Variants in ZNF721 observed in about 807,000 individuals in gnomAD.
The protein encoded by ZNF721 is zinc finger protein 721.
Under a neutral mutation model 2.4 loss-of-function variants are expected in ZNF721, and 2 were observed. The ratio of observed to expected loss-of-function variants is 0.82; its 90% CI spans 0.34 to 2.58. ZNF721 has a LOEUF of 2.58. Ranked by LOEUF, ZNF721 falls within the 30% of genes most tolerant of loss-of-function variation. ZNF721 has a pLI of 0.11. For missense variants in ZNF721, 1,187 were observed against 1,085.5 expected (o/e 1.09, Z -1.31); for synonymous variants, 398 against 381.8 (o/e 1.04, Z -0.50).
At chr4:451,074 TG>T (rs1714646008) in intron 2 of ZNF721, among the ~76,000 whole-genome samples, 1 of 149,820 alleles carries the variant, frequency 6.7e-6, no homozygotes, top group Admixed American at 6.7e-5. Context: ...AGACAATTCC[TG>T]GAAACACAAA....
At chr4:495,052 T>G (rs1015794824) in intron 1 of ZNF721, among the ~76,000 whole-genome samples, 3 of 151,880 alleles carry the variant, frequency 2.0e-5, no homozygotes, top group Non-Finnish European at 4.4e-5. Flanking sequence ...CCGGCTAATT[T>G]TTCGTATTTT....
chr4:492,540 C>T (rs1385277156), intron 1 of ZNF721, among the ~76,000 whole-genome samples: 2 of 150,926 alleles, frequency 1.3e-5, no homozygotes, highest in African/African-American at 4.9e-5. Context: ...TGTTTTTTTA[C>T]ACCAAGCCCA....
At chr4:449,209 A>C (rs1211471133) in intron 2 of ZNF721, among the ~76,000 whole-genome samples, 1 of 152,144 alleles carries the variant, frequency 6.6e-6, no homozygotes, top group Non-Finnish European at 1.5e-5. Context: ...GTAAAGTTTC[A>C]GCATTTTTGA....
At chr4:477,524 C>G (rs1285954540) in intron 1 of ZNF721, among the ~76,000 whole-genome samples, 7 of 152,088 alleles carry the variant, frequency 4.6e-5, no homozygotes, top group African/African-American at 1.7e-4. Context: ...AGGCATGAGC[C>G]ACCGTGCCCG....
At chr4:452,442 G>C (rs1041189898) in intron 2 of ZNF721, among the ~76,000 whole-genome samples, 1 of 152,166 alleles carries the variant, frequency 6.6e-6, no homozygotes, top group Admixed American at 6.6e-5. Context: ...TTGGATTGTG[G>C]AGACATCATA....
In ZNF721 at chr4:443,367, C is replaced by T. The variant is rs782257186; in HGVS notation, c.1100G>A (p.Gly367Asp). 8 of 1,614,056 alleles carry T rather than the reference C, an allele frequency of 5.0e-6. No homozygotes were observed. In the Admixed American group the frequency reaches 1.3e-4, roughly 27 times the overall value. Residue 367 changes from glycine (G) to aspartate (D), a missense_variant, in exon 3 of 3, where the codon GGC (glycine) becomes GAC (aspartate). Transcript: ENST00000511833. ...GGCTGTGTACCGTCCAAAGGCTTTG[C>T]CACAGTCTTCGCATTTGTAAGGTTT... ...GEKPYKCEDCGKAFGRYTALN... is the reference protein window; with the variant it reads ...GEKPYKCEDCDKAFGRYTALN...
rs1330405872 is a variant in ZNF721 at position 442,996 on chromosome 4, GT to G, written c.1470del (p.Lys490AsnfsTer15). 6.2e-7 allele frequency: 1 copy of G among 1,613,714 alleles called. No homozygotes were observed. The highest frequency in any genetic ancestry group is 8.5e-7 in the Non-Finnish European group (1 of 1,179,780). ...TTCTCGCCAGTATGAATCCTCTTATGTTTAGCAAAGCTTGAGGATGAGGTAA... is the reference window on the plus strand; with the variant it reads ...TTCTCGCCAGTATGAATCCTCTTATGTTAGCAAAGCTTGAGGATGAGGTAA... ...KVITSSSSFA[K>X]HKRIHTGEKP... On this transcript the variant is annotated frameshift_variant, in exon 3 of 3. Coordinates refer to ENST00000511833, the MANE Select transcript of ZNF721 (RefSeq NM_133474.4). LOFTEE classifies it low-confidence loss of function (END_TRUNC).
At chr4:472,143 A>C (rs1427868169) in intron 2 of ZNF721, among the ~76,000 whole-genome samples, 3 of 152,330 alleles carry the variant, frequency 2.0e-5, no homozygotes, top group African/African-American at 2.4e-5. Flanking sequence ...GCTCACTGCA[A>C]CCTCTGCCTC....
Position 469,976 on chromosome 4 carries a change from G to A in ZNF721, c.34+2599C>T, listed in dbSNP as rs1199459980. ...GGCTCACTGCAAGCTCCCGCCTCCC[G>A]GGTTCACGCCATTCTCCTGCCTCAG... is the stretch of plus-strand genomic sequence containing the variant. On this transcript the variant is annotated intron_variant, in intron 2 of 2. Coordinates refer to ENST00000511833, the MANE Select transcript of ZNF721 (RefSeq NM_133474.4). Among the ~76,000 whole-genome samples, 6 of 152,216 alleles carry A rather than the reference G, an allele frequency of 3.9e-5. No homozygotes were observed. In the East Asian group the frequency reaches 7.7e-4, roughly 20 times the overall value.
chr4:484,725 T>G (rs1252820445), intron 1 of ZNF721, among the ~76,000 whole-genome samples: 1 of 152,218 alleles, frequency 6.6e-6, no homozygotes, highest in Non-Finnish European at 1.5e-5. Context: ...TGTCTCCTGA[T>G]AAGATGTTAT....
chr4:451,126 A>G (rs1404838576), intron 2 of ZNF721, among the ~76,000 whole-genome samples: 1 of 151,736 alleles, frequency 6.6e-6, no homozygotes, highest in Admixed American at 6.6e-5. Flanking sequence ...AAAATGTGAC[A>G]TATACATACA....
At chr4:479,679 T>A (rs1715726612) in intron 1 of ZNF721, among the ~76,000 whole-genome samples, 1 of 152,170 alleles carries the variant, frequency 6.6e-6, no homozygotes, top group African/African-American at 2.4e-5. Flanking sequence ...GAGCCTGCAG[T>A]TGCCCTCCAA....
intron 2 of ZNF721, among the ~76,000 whole-genome samples, chr4:450,950 AAAAAAAATATATATATATATAT>A (rs1446139773): frequency 4.4e-5 from 2 of 45,052 alleles, no homozygotes; most frequent in Non-Finnish European, 7.9e-5. Context: ...AAAAAAAAAA[AAAAAAAATATATATATATATAT>A]ATATATATAT....
intron 1 of ZNF721, among the ~76,000 whole-genome samples, chr4:474,959 C>T (rs568915538): frequency 1.3e-5 from 2 of 151,480 alleles, no homozygotes; most frequent in Admixed American, 1.3e-4. Context: ...GAGGCCGGGG[C>T]GGGTGGATCA....
rs782174098 is a variant in ZNF721 at position 442,565 on chromosome 4, A to T, written c.1902T>A (p.Ile634=). ...WYTDLNQQKK[I]YTGEKPYKCE... is the part of the protein sequence containing the mutation. ...ATTTGTAAGGTTTCTCCCCAGTGTA[A>T]ATTTTCTTCTGTTGATTCAGGTCCG... is the stretch of plus-strand genomic sequence containing the variant. Residue 634 remains isoleucine (I), a synonymous_variant, in exon 3 of 3, where the codon ATT becomes ATA. Coordinates refer to ENST00000511833, the MANE Select transcript of ZNF721 (RefSeq NM_133474.4). 3.7e-6 allele frequency: 6 copies of T among 1,613,622 alleles called. No individual in the cohort carries two copies. The highest frequency in any genetic ancestry group is 2.2e-5 in the East Asian group (1 of 44,886).
intron 2 of ZNF721, among the ~76,000 whole-genome samples, chr4:452,194 G>A (rs544285319): frequency 2.6e-5 from 4 of 152,308 alleles, no homozygotes; most frequent in African/African-American, 4.8e-5. Context: ...CCAAATAGCC[G>A]GTCAGGGTAA....
intron 2 of ZNF721, among the ~76,000 whole-genome samples, chr4:458,004 C>G (rs1270103587): frequency 6.6e-6 from 1 of 152,188 alleles, no homozygotes; most frequent in Non-Finnish European, 1.5e-5. Flanking sequence ...TGAAGCAGCC[C>G]TATGAATCAG....
At chr4:492,335 T>C (rs1314292305) in intron 1 of ZNF721, among the ~76,000 whole-genome samples, 2 of 152,154 alleles carry the variant, frequency 1.3e-5, no homozygotes, top group Non-Finnish European at 1.5e-5. Flanking sequence ...CAGAATATTA[T>C]GTTGGAAAAA....
chr4:491,353 G>A (rs782148841), intron 1 of ZNF721, among the ~76,000 whole-genome samples: 1 of 152,220 alleles, frequency 6.6e-6, no homozygotes, highest in Non-Finnish European at 1.5e-5. Flanking sequence ...AGGAGGCGGA[G>A]GTTGCAGTGA....
Sources: gnomAD v4.1 joint callset for allele counts (sites outside exome capture counted in the v4.1 genomes callset) on GRCh38, gnomAD v4.1.1 for gene constraint, MANE v1.5 for transcripts, NCBI Gene and HGNC (gene_info 2026-07-23, HGNC 2026-07-21) for gene names.